Variants in UNC5D observed in about 807,000 individuals in gnomAD.
UNC5D encodes the protein netrin receptor UNC5D.
UNC5D carries 39 observed loss-of-function variants against 105.4 expected under a neutral mutation model. That is an observed-to-expected ratio of 0.37 (90% confidence interval 0.29 to 0.48). The LOEUF is 0.48. Among genes scored for constraint, UNC5D ranks in the 20% least tolerant of loss-of-function variants. UNC5D has a pLI of 0.98. For missense variants in UNC5D, 991 were observed against 1,202.4 expected (o/e 0.82, Z 2.60); for synonymous variants, 452 against 450.4 (o/e 1.00, Z -0.04).
At chr8:35,516,951 G>T (rs562961903) in intron 1 of UNC5D, among the ~76,000 whole-genome samples, 1 of 152,252 alleles carries the variant, frequency 6.6e-6, no homozygotes, top group East Asian at 1.9e-4. Context: ...AGTTGAAATG[G>T]GTAAGACAAA....
chr8:35,785,783 G>T (rs1179426913), intron 16 of UNC5D, among the ~76,000 whole-genome samples: 1 of 152,142 alleles, frequency 6.6e-6, no homozygotes, highest in Non-Finnish European at 1.5e-5. Flanking sequence ...ACTTTTAATA[G>T]CAGTCTTGCA....
chr8:35,465,124 C>T lies in UNC5D; in HGVS notation c.104-84168C>T, dbSNP rs1338763533. Among the ~76,000 whole-genome samples, 4 of 152,210 alleles carry T rather than the reference C, an allele frequency of 2.6e-5. No homozygotes were observed. In the East Asian group the frequency reaches 7.7e-4, roughly 29 times the overall value. On this transcript the variant is annotated intron_variant, in intron 1 of 16. Transcript: ENST00000404895. ...AATATTTCTTGGCTGGGCGCGGTGG[C>T]TCATGCCTGTAATCCTAACACTTTG...
Position 35,728,778 on chromosome 8 carries a change from A to C in UNC5D, c.1682-2234A>C, listed in dbSNP as rs137859543. Among the ~76,000 whole-genome samples the C allele has an allele frequency of 3.2e-3, 487 of 152,346 alleles. 1 individual carries two copies. The highest frequency in any genetic ancestry group is 0.011 in the African/African-American group (467 of 41,580). The stretch of plus-strand genomic sequence containing the variant: ...CTCTAGAAATTATTTATTATTCCAA[A>C]TATAAAACAGGAAGCTCAGACTGGT... On this transcript the variant is annotated intron_variant, in intron 10 of 16. Transcript: ENST00000404895.
chr8:35,361,949 T>A lies in UNC5D; in HGVS notation c.103+126062T>A, dbSNP rs889306155. 1.5e-4 allele frequency among the ~76,000 whole-genome samples: 23 copies of A among 152,198 alleles called. 1 individual carries two copies. Among genetic ancestry groups the A allele is most frequent in the Admixed American group, 1.4e-3 (22 of 15,272 alleles). ...CATTTTAAGTTCTGAATTTGGTTAT[T>A]TGTCGGTGGCATCTTCCAATTAAAA... On this transcript the variant is annotated intron_variant, in intron 1 of 16. Coordinates refer to ENST00000404895, the MANE Select transcript of UNC5D (RefSeq NM_080872.4).
chr8:35,686,388 G>T (rs571028139), intron 6 of UNC5D, among the ~76,000 whole-genome samples, 157 bp from the exon 7 acceptor site: 1 of 152,298 alleles, frequency 6.6e-6, no homozygotes, highest in African/African-American at 2.4e-5. Context: ...CTTCAGGAAA[G>T]AAACCATGGA....
chr8:35,438,281 A>G (rs186176775), intron 1 of UNC5D, among the ~76,000 whole-genome samples: 1 of 152,036 alleles, frequency 6.6e-6, no homozygotes, highest in East Asian at 1.9e-4. Context: ...TTTTCACCTA[A>G]CTCATTTGTA....
intron 1 of UNC5D, among the ~76,000 whole-genome samples, chr8:35,308,116 ATGTGTGTGTGTGTGTG>A (rs34132311): frequency 9.5e-6 from 1 of 105,650 alleles, no homozygotes; most frequent in Non-Finnish European, 1.8e-5. Flanking sequence ...GTCACAATGT[ATGTGTGTGTGTGTGTG>A]TGTGTGTGTG....
At chr8:35,365,473 G>T (rs1802059002) in intron 1 of UNC5D, among the ~76,000 whole-genome samples, 1 of 150,576 alleles carries the variant, frequency 6.6e-6, no homozygotes, top group African/African-American at 2.4e-5. Flanking sequence ...TTTAAGAAAA[G>T]ATTCCAACTG....
At chr8:35,450,904 C>T (rs1471533825) in intron 1 of UNC5D, among the ~76,000 whole-genome samples, 2 of 152,120 alleles carry the variant, frequency 1.3e-5, no homozygotes, top group African/African-American at 4.8e-5. Context: ...GTGCTCTGAG[C>T]ACCTTTAAAG....
At chr8:35,585,282 C>T (rs1030438370) in intron 3 of UNC5D, among the ~76,000 whole-genome samples, 4 of 152,174 alleles carry the variant, frequency 2.6e-5, no homozygotes, top group East Asian at 1.9e-4. Flanking sequence ...CCTTGAGGAG[C>T]GTCAGCATGA....
At chr8:35,741,213 G>A (rs1447527061) in intron 11 of UNC5D, among the ~76,000 whole-genome samples, 1 of 152,184 alleles carries the variant, frequency 6.6e-6, no homozygotes, top group African/African-American at 2.4e-5. Context: ...CTATGAATGT[G>A]TGTGTAAACT....
At chr8:35,698,478 A>ATGTT (rs1826951560) in intron 7 of UNC5D, among the ~76,000 whole-genome samples, 2 of 152,016 alleles carry the variant, frequency 1.3e-5, no homozygotes, top group African/African-American at 4.8e-5. Context: ...TGAGTTTGGT[A>ATGTT]TCTTTAGATT....
chr8:35,341,399 T>A (rs1205437982), intron 1 of UNC5D, among the ~76,000 whole-genome samples: 4 of 151,930 alleles, frequency 2.6e-5, no homozygotes, highest in African/African-American at 9.7e-5. Context: ...ACGGTAGTGA[T>A]CAGAAAAGCC....
chr8:35,658,135 T>G (rs956755), intron 4 of UNC5D, among the ~76,000 whole-genome samples: 1 of 152,064 alleles, frequency 6.6e-6, no homozygotes, highest in Non-Finnish European at 1.5e-5. Flanking sequence ...GGTTGAAACT[T>G]TTATTATATG....
rs562741724 is a variant in UNC5D, at chr8:35,468,820, C to T, written c.104-80472C>T. ...CCTGGCAAAGAAGGTGTGATTTCCACGGGACAATGCTGATGACTTTTTAAT... is the reference window on the plus strand; with the variant it reads ...CCTGGCAAAGAAGGTGTGATTTCCATGGGACAATGCTGATGACTTTTTAAT... On this transcript the variant is annotated intron_variant, in intron 1 of 16. Coordinates refer to ENST00000404895, the MANE Select transcript of UNC5D (RefSeq NM_080872.4). 4.6e-5 allele frequency among the ~76,000 whole-genome samples: 7 copies of T among 152,218 alleles called. No individual in the cohort carries two copies. The South Asian group carries it at 8.3e-4, about 18-fold the overall frequency.
intron 1 of UNC5D, among the ~76,000 whole-genome samples, chr8:35,395,717 CA>C (rs951833990): frequency 6.6e-5 from 10 of 152,158 alleles, no homozygotes; most frequent in African/African-American, 2.4e-4. Context: ...TAGATTTTCA[CA>C]AGACAAGAAA....
At chr8:35,525,562 T>C in intron 1 of UNC5D, 2 of 1,612,888 alleles carry the variant, frequency 1.2e-6, no homozygotes. Context: ...TCATTAATTA[T>C]TTCCACTTCT....
At chr8:35,577,461 G>C (rs1818167860) in intron 3 of UNC5D, among the ~76,000 whole-genome samples, 1 of 152,174 alleles carries the variant, frequency 6.6e-6, no homozygotes, top group South Asian at 2.1e-4. Context: ...GCACCCCTGA[G>C]GGGGCTCCCA....
chr8:35,701,846 T>G lies in UNC5D; in HGVS notation c.1085-4083T>G, dbSNP rs193081675. ...GCTTGTATATATAACTTAACAGTGG[T>G]TATCCCTTGGTGCTGGAATTATGCT... is the stretch of plus-strand genomic sequence containing the variant. On this transcript the variant is annotated intron_variant, in intron 7 of 16. Coordinates refer to ENST00000404895, the MANE Select transcript of UNC5D (RefSeq NM_080872.4). 1.7e-3 allele frequency among the ~76,000 whole-genome samples: 260 copies of G among 150,742 alleles called. 1 individual carries two copies. Among genetic ancestry groups the G allele is most frequent in the African/African-American group, 6.0e-3 (248 of 41,298 alleles).
Sources: gnomAD v4.1 joint callset for allele counts (sites outside exome capture counted in the v4.1 genomes callset) on GRCh38, gnomAD v4.1.1 for gene constraint, MANE v1.5 for transcripts, NCBI Gene and HGNC (gene_info 2026-07-23, HGNC 2026-07-21) for gene names.